Variants in PCDHGA6 observed in about 807,000 individuals in gnomAD.
PCDHGA6 encodes protocadherin gamma-A6.
PCDHGA6 carries 41 observed loss-of-function variants against 60.6 expected under a neutral mutation model. The ratio of observed to expected loss-of-function variants is 0.68; its 90% CI spans 0.53 to 0.88. PCDHGA6 has a LOEUF of 0.88. Among genes scored for constraint, PCDHGA6 ranks in the 40% least tolerant of loss-of-function variants. PCDHGA6 has a pLI of 0.00. For synonymous variants in PCDHGA6, 594 were observed against 524.4 expected (o/e 1.13, Z -1.81); for missense variants, 1,312 against 1,203.0 (o/e 1.09, Z -1.34).
Position 141,375,375 on chromosome 5 carries a change from C to G in PCDHGA6, c.1292C>G (p.Pro431Arg), listed in dbSNP as rs907988445. ...ACAGCCACGGACAAAGGAACACCAC[C>G]TCTGTCTACAGAAACAATCATCTCT... ...TVTATDKGTP[P>R]LSTETIISLN... Residue 431 changes from proline to arginine, a missense_variant, in exon 1 of 4, where the codon CCT becomes CGT. Physicochemically the swap from Pro to Arg is moderately radical, Grantham distance 103. Coordinates refer to ENST00000517434, the MANE Select transcript of PCDHGA6 (RefSeq NM_018919.3). 1 of 1,613,834 alleles carries G rather than the reference C, an allele frequency of 6.2e-7. No individual in the cohort carries two copies. The highest frequency in any genetic ancestry group is 1.7e-5 in the Admixed American group (1 of 60,014).
At chr5:141,443,499 A>T (rs533910381) in intron 1 of PCDHGA6, among the ~76,000 whole-genome samples, 1 of 152,268 alleles carries the variant, frequency 6.6e-6, no homozygotes, top group African/African-American at 2.4e-5. Context: ...ACAAACAAAC[A>T]AATAAAGAGC....
chr5:141,389,704 TG>T (rs1341184136), intron 1 of PCDHGA6: 5 of 1,612,632 alleles, frequency 3.1e-6, no homozygotes, highest in Admixed American at 3.3e-5. Context: ...TACCACGTGC[TG>T]CAGGCTAGCG....
At chr5:141,384,213 A>G (rs1779846196) in intron 1 of PCDHGA6, 2 of 1,613,872 alleles carry the variant, frequency 1.2e-6, no homozygotes, top group Non-Finnish European at 1.7e-6. Context: ...AAACTCACAT[A>G]TTCATGCAGG....
chr5:141,375,537 C>T lies in PCDHGA6; in HGVS notation c.1454C>T (p.Ala485Val). The stretch of plus-strand genomic sequence containing the variant: ...CTGGACCCTGACGTGGACCAGAACG[C>T]CCAAGTCTCCTACTCACTGGCAGAA... ...NALDPDVDQN[A>V]QVSYSLAEDT... The change falls in exon 1 of 4, where the codon GCC becomes GTC. Residue 485 changes from alanine (A) to valine (V), a missense_variant. Coordinates refer to ENST00000517434, the MANE Select transcript of PCDHGA6 (RefSeq NM_018919.3). 6.2e-7 allele frequency: 1 copy of T among 1,614,048 alleles called. No individual in the cohort carries two copies. Among genetic ancestry groups the T allele is most frequent in the Non-Finnish European group, 8.5e-7 (1 of 1,179,942 alleles).
At chr5:141,427,777 C>A in intron 1 of PCDHGA6, 1 of 1,432,382 alleles carries the variant, frequency 7.0e-7, no homozygotes, top group Non-Finnish European at 9.7e-7. Flanking sequence ...GAGCTGCGGG[C>A]ACTGTCGTCC....
rs2096370584 is a variant in PCDHGA6 at position 141,419,372 on chromosome 5, G to A, written c.2424+42865G>A. On this transcript the variant is annotated intron_variant, in intron 1 of 3. Coordinates refer to ENST00000517434, the MANE Select transcript of PCDHGA6 (RefSeq NM_018919.3). The stretch of plus-strand genomic sequence containing the variant: ...GGAGTCACGAACGCTGTCGTCCTAC[G>A]TGTCCGTGAGCGCGCAGAGCGGGGT... 2 of 1,613,728 alleles carry A rather than the reference G, an allele frequency of 1.2e-6. No homozygotes were observed. Among genetic ancestry groups the A allele is most frequent in the South Asian group, 1.1e-5 (1 of 91,088 alleles).
chr5:141,489,900 A>G lies in PCDHGA6; in HGVS notation c.2425-4907A>G, dbSNP rs963522810. The stretch of plus-strand genomic sequence containing the variant: ...TTACTGCTGTGGATGGGGGGACCCC[A>G]GCCCGCTCAGGGACCACCCTTATCT... On this transcript the variant is annotated intron_variant, in intron 1 of 3. Transcript: ENST00000517434. The surrounding 1 kb of genome is among the most constrained non-coding windows in gnomAD (Gnocchi z 4.5). The G allele has an allele frequency of 1.9e-6, 3 of 1,614,254 alleles. No homozygotes were observed. The highest frequency in any genetic ancestry group is 1.7e-5 in the Admixed American group (1 of 60,026).
intron 1 of PCDHGA6, chr5:141,400,548 T>C: frequency 6.2e-7 from 1 of 1,613,656 alleles, no homozygotes; most frequent in South Asian, 1.1e-5. Context: ...ATGTCTATTC[T>C]TTTTCATTAC....
At chr5:141,481,739 G>A (rs1034725934) in intron 1 of PCDHGA6, among the ~76,000 whole-genome samples, 1 of 152,082 alleles carries the variant, frequency 6.6e-6, no homozygotes, top group Non-Finnish European at 1.5e-5. Flanking sequence ...GGATCACGAG[G>A]TCAGGAGTCC....
intron 1 of PCDHGA6, among the ~76,000 whole-genome samples, chr5:141,406,594 G>A (rs1463823326): frequency 1.3e-5 from 2 of 152,068 alleles, no homozygotes; most frequent in Non-Finnish European, 2.9e-5. Context: ...CCCTTTAATG[G>A]TGAAAGTTGT....
chr5:141,416,791 G>A (rs1389798483), intron 1 of PCDHGA6: 2 of 152,166 alleles, frequency 1.3e-5, no homozygotes, highest in South Asian at 2.1e-4. Context: ...TCTACTAAAT[G>A]TGGTAGTATA....
At chr5:141,449,521 G>A (rs1238503983) in intron 1 of PCDHGA6, among the ~76,000 whole-genome samples, 4 of 150,262 alleles carry the variant, frequency 2.7e-5, no homozygotes, top group African/African-American at 9.8e-5. Flanking sequence ...CCTGGGAGGC[G>A]GAGGTTGCAG....
At chr5:141,394,739 C>T (rs377359689) in intron 1 of PCDHGA6, 4 of 1,613,390 alleles carry the variant, frequency 2.5e-6, no homozygotes, top group Non-Finnish European at 3.4e-6. Flanking sequence ...AGCAGAGCCT[C>T]GTGGTGGCCG....
At chr5:141,435,902 A>G (rs896786345) in intron 1 of PCDHGA6, among the ~76,000 whole-genome samples, 1 of 152,194 alleles carries the variant, frequency 6.6e-6, no homozygotes, top group Non-Finnish European at 1.5e-5. Flanking sequence ...AATGAAAGAC[A>G]TCCAAGGGCT....
At chr5:141,384,550 T>C (rs1262991038) in intron 1 of PCDHGA6, 1 of 1,614,220 alleles carries the variant, frequency 6.2e-7, no homozygotes, top group Non-Finnish European at 8.5e-7. Context: ...ACTGAGCCTG[T>C]TCGTGCTGGA....
At chr5:141,453,185 C>T (rs2098757478) in intron 1 of PCDHGA6, among the ~76,000 whole-genome samples, 1 of 152,146 alleles carries the variant, frequency 6.6e-6, no homozygotes, top group South Asian at 2.1e-4. Flanking sequence ...ACAATCACAG[C>T]TCACTGCAGC....
At chr5:141,407,960 C>T in intron 1 of PCDHGA6, 1 of 669,186 alleles carries the variant, frequency 1.5e-6, no homozygotes, top group Non-Finnish European at 2.4e-6. Flanking sequence ...CAGTGCAGAG[C>T]AAGCGCTGAC....
At chr5:141,421,633 G>A (rs1369645749) in intron 1 of PCDHGA6, 3 of 1,613,834 alleles carry the variant, frequency 1.9e-6, no homozygotes, top group Non-Finnish European at 2.5e-6. Context: ...CAGCTTCCAG[G>A]AGGACGAAGT....
At position 141,399,929 on chromosome 5, in the gene PCDHGA6, C is replaced by T. The variant is rs746168026; in HGVS notation, c.2424+23422C>T. 15 of 1,612,262 alleles carry T rather than the reference C, an allele frequency of 9.3e-6. No homozygotes were observed. The African/African-American group carries it at 1.1e-4, about 11-fold the overall frequency. On this transcript the variant is annotated intron_variant, in intron 1 of 3. Coordinates refer to ENST00000517434, the MANE Select transcript of PCDHGA6 (RefSeq NM_018919.3). ...GACTCAGGACACAACGCCTGGCTGT[C>T]CTACCACGTGCTGCAGGCTAGCGAG...
Sources: allele counts gnomAD v4.1 joint callset (sites outside exome capture counted in the v4.1 genomes callset), GRCh38; gene constraint gnomAD v4.1.1; non-coding constraint Gnocchi (gnomAD v3.1); transcripts MANE v1.5; gene names NCBI Gene and HGNC (gene_info 2026-07-23, HGNC 2026-07-21).